Variants in MAPK10 observed in about 807,000 individuals in gnomAD.
MAPK10 encodes mitogen-activated protein kinase 10.
MAPK10 carries 25 observed loss-of-function variants against 59.3 expected under a neutral mutation model. That is an observed-to-expected ratio of 0.42 (90% confidence interval 0.31 to 0.59). The LOEUF (loss-of-function observed/expected upper bound fraction) is 0.59, where lower values mean the gene tolerates loss of function less well. MAPK10 is among the 20% of genes least tolerant of loss of function. The pLI, the probability that MAPK10 is intolerant of heterozygous loss-of-function variation, is 0.15. For missense variants in MAPK10, 351 were observed against 568.9 expected (o/e 0.62, Z 3.90); for synonymous variants, 190 against 200.5 (o/e 0.95, Z 0.44).
At chr4:86,125,263 A>C (rs577368930) in intron 4 of MAPK10, 16 of 152,036 alleles carry the variant, frequency 1.1e-4, no homozygotes, top group Middle Eastern at 3.4e-3. Context: ...TCATATTAAA[A>C]AGCTGACTTC....
chr4:86,544,872 GGTTT>G (rs902825353), intron 1 of MAPK10, among the ~76,000 whole-genome samples: 35 of 151,598 alleles, frequency 2.3e-4, no homozygotes, highest in Middle Eastern at 3.5e-3. Context: ...CAAACTGAAA[GGTTT>G]TTTTCTTTTT....
Position 86,131,626 on chromosome 4 carries a change from G to A in MAPK10, c.237-24274C>T, listed in dbSNP as rs147460745. Reference sequence around the variant, plus strand: ...TTCACAACTCTATGATTGAATTACTGGCAGCATGTTGTGCCAAGAATGCAA... The same window carrying A: ...TTCACAACTCTATGATTGAATTACTAGCAGCATGTTGTGCCAAGAATGCAA... On this transcript the variant is annotated intron_variant, in intron 4 of 13. Coordinates refer to ENST00000641462, the MANE Select transcript of MAPK10 (RefSeq NM_138982.4). 1.7e-3 allele frequency among the ~76,000 whole-genome samples: 260 copies of A among 152,218 alleles called. 1 individual carries two copies. Among genetic ancestry groups the A allele is most frequent in the African/African-American group, 5.9e-3 (247 of 41,564 alleles).
chr4:86,556,043 A>G (rs1760242488), intron 1 of MAPK10, among the ~76,000 whole-genome samples: 1 of 152,234 alleles, frequency 6.6e-6, no homozygotes, highest in Non-Finnish European at 1.5e-5. Context: ...ATAACATTTT[A>G]CAGTCCATTG....
intron 1 of MAPK10, among the ~76,000 whole-genome samples, chr4:86,464,628 T>C (rs894055981): frequency 1.3e-5 from 2 of 152,136 alleles, no homozygotes; most frequent in African/African-American, 4.8e-5. Context: ...AAGACCATCC[T>C]GGCTAACACG....
chr4:86,135,531 A>G (rs944393774), intron 4 of MAPK10, among the ~76,000 whole-genome samples: 1 of 152,150 alleles, frequency 6.6e-6, no homozygotes, highest in African/African-American at 2.4e-5. Context: ...CCAAAAACCC[A>G]TCTGTACATC....
chr4:86,384,873 T>C (rs2869424), intron 1 of MAPK10, among the ~76,000 whole-genome samples: 111,253 of 152,082 alleles, frequency 0.73, 41,276 homozygotes, highest in South Asian at 0.9. Context: ...ACAACTTTCA[T>C]CTAAACTAGA....
intron 2 of MAPK10, among the ~76,000 whole-genome samples, chr4:86,237,507 A>G (rs1320082094): frequency 1.3e-5 from 2 of 152,058 alleles, no homozygotes; most frequent in East Asian, 1.9e-4. Flanking sequence ...CCACAGCCTC[A>G]CCAGCATCTA....
chr4:86,140,473 A>T (rs1369070515), intron 4 of MAPK10, among the ~76,000 whole-genome samples: 1 of 141,732 alleles, frequency 7.1e-6, no homozygotes, highest in Admixed American at 7.1e-5. Flanking sequence ...CATGGGTGGG[A>T]ATTGAACAAT....
intron 1 of MAPK10, among the ~76,000 whole-genome samples, chr4:86,470,252 T>G (rs1030513020): frequency 2.0e-5 from 3 of 152,222 alleles, no homozygotes; most frequent in Non-Finnish European, 2.9e-5. Context: ...CATCCCATTT[T>G]TATTCTAAAA....
intron 1 of MAPK10, among the ~76,000 whole-genome samples, chr4:86,548,358 C>G (rs1440534827): frequency 6.6e-6 from 1 of 152,130 alleles, no homozygotes. Context: ...GACATGCCAC[C>G]TTTAAGAACT....
intron 1 of MAPK10, among the ~76,000 whole-genome samples, chr4:86,496,191 C>T (rs1226988158): frequency 6.6e-6 from 1 of 152,126 alleles, no homozygotes; most frequent in Non-Finnish European, 1.5e-5. Flanking sequence ...TACATGCTTT[C>T]CAGCCATTAA....
At chr4:86,418,999 T>C (rs1388963914) in intron 1 of MAPK10, among the ~76,000 whole-genome samples, 1 of 151,970 alleles carries the variant, frequency 6.6e-6, no homozygotes, top group African/African-American at 2.4e-5. Flanking sequence ...CTTGGGGACT[T>C]AAAAGGGAAG....
At chr4:86,121,300 C>A (rs973581739) in intron 4 of MAPK10, among the ~76,000 whole-genome samples, 2 of 152,140 alleles carry the variant, frequency 1.3e-5, no homozygotes, top group Admixed American at 1.3e-4. Context: ...TCATAGAAGG[C>A]ACCATCTTGT....
chr4:86,243,573 A>T (rs1045084968), intron 2 of MAPK10, among the ~76,000 whole-genome samples: 2 of 152,102 alleles, frequency 1.3e-5, no homozygotes, highest in African/African-American at 4.8e-5. Context: ...TGATAAAAGC[A>T]TGCTCCCACT....
At position 86,014,615 on chromosome 4, in the gene MAPK10, G is replaced by C. The variant is rs2148885754; in HGVS notation, c.*2613C>G. The C allele has an allele frequency of 6.6e-6, 1 of 152,160 alleles. No homozygotes were observed. The highest frequency in any genetic ancestry group is 1.5e-5 in the Non-Finnish European group (1 of 68,002). The allele number at this position is 152,160 out of a possible 1,614,324, so 9.4% of individuals were successfully genotyped here. A position where few individuals can be genotyped will look rare whatever the true frequency, so the allele number is the denominator to read the frequency against. ...TGTTCCATTTTTCTCTTGTCCATAA[G>C]GGAAATCTGGCTAAAGCTAACCAGC... On this transcript the variant is annotated 3_prime_UTR_variant, in exon 14 of 14. Coordinates refer to ENST00000641462, the MANE Select transcript of MAPK10 (RefSeq NM_138982.4).
chr4:86,072,299 C>T (rs998418549), intron 9 of MAPK10, among the ~76,000 whole-genome samples: 7 of 152,086 alleles, frequency 4.6e-5, no homozygotes, highest in Middle Eastern at 3.2e-3. Context: ...TGGGCTGAGA[C>T]GATGGGGTTT....
intron 1 of MAPK10, among the ~76,000 whole-genome samples, chr4:86,386,592 T>TA (rs1209813709): frequency 6.6e-6 from 1 of 152,126 alleles, no homozygotes; most frequent in Non-Finnish European, 1.5e-5. Flanking sequence ...GTTTTTTTTT[T>TA]CTTAAATTAT....
chr4:86,063,429 A>T (rs2046103911), intron 11 of MAPK10, among the ~76,000 whole-genome samples: 1 of 152,140 alleles, frequency 6.6e-6, no homozygotes, highest in South Asian at 2.1e-4. Flanking sequence ...TAGCACAGGT[A>T]CTCTAAGAAT....
chr4:86,481,014 A>G (rs1753565843), intron 1 of MAPK10, among the ~76,000 whole-genome samples: 1 of 152,190 alleles, frequency 6.6e-6, no homozygotes. Flanking sequence ...TCTGTGTAGG[A>G]TTCCTTCAAC....
Sources: gnomAD v4.1 joint callset for allele counts (sites outside exome capture counted in the v4.1 genomes callset) on GRCh38, gnomAD v4.1.1 for gene constraint, MANE v1.5 for transcripts, NCBI Gene and HGNC (gene_info 2026-07-23, HGNC 2026-07-21) for gene names.